The following PSMD5 variants were observed in gnomAD, a reference collection of about 807,000 sequenced individuals.
PSMD5 encodes 26S proteasome non-ATPase regulatory subunit 5.
Under a neutral mutation model 52.1 loss-of-function variants are expected in PSMD5, and 40 were observed. The ratio of observed to expected loss-of-function variants is 0.77; its 90% CI spans 0.60 to 1.00. The LOEUF (loss-of-function observed/expected upper bound fraction) is 1.00, where lower values mean the gene tolerates loss of function less well. Among genes scored for constraint, PSMD5 ranks in the 50% least tolerant of loss-of-function variants. PSMD5 has a pLI of 0.00. For synonymous variants in PSMD5, 211 were observed against 226.6 expected (o/e 0.93, Z 0.62); for missense variants, 575 against 605.2 (o/e 0.95, Z 0.52).
rs149084514 is a variant in PSMD5 at position 120,842,772 on chromosome 9, G to C, written c.138C>G (p.Leu46=). ...CGTTAAGCAGGGAGAAGAGCGGGCCGAGGCGCAGCTCCGCCGCTTGCTGGC... is the reference window on the plus strand; with the variant it reads ...CGTTAAGCAGGGAGAAGAGCGGGCCCAGGCGCAGCTCCGCCGCTTGCTGGC... ...ELRQQAAELR[L]GPLFSLLNEN... Residue 46 remains leucine (L), a synonymous_variant, in exon 1 of 10, where the codon CTC becomes CTG. Transcript: ENST00000210313. 8 of 1,613,086 alleles carry C rather than the reference G, an allele frequency of 5.0e-6. No individual in the cohort carries two copies. The African/African-American group carries it at 6.7e-5, about 13-fold the overall frequency.
chr9:120,821,591 A>G, intron 7 of PSMD5, 127 bp from the exon 8 acceptor site: 1 of 509,904 alleles, frequency 2.0e-6, no homozygotes. Flanking sequence ...TTGGGCAACC[A>G]TCATAACCAT....
chr9:120,840,249 A>C (rs1055346105), intron 1 of PSMD5, among the ~76,000 whole-genome samples: 7 of 145,050 alleles, frequency 4.8e-5, no homozygotes, highest in African/African-American at 1.8e-4. Context: ...TCAGCCCTCT[A>C]AGTAGCTGGG....
intron 1 of PSMD5, among the ~76,000 whole-genome samples, chr9:120,841,227 A>T (rs901521331): frequency 6.6e-6 from 1 of 152,214 alleles, no homozygotes; most frequent in Non-Finnish European, 1.5e-5. Flanking sequence ...AATCCTTTTT[A>T]AAAATTACAG....
chr9:120,840,592 T>C (rs993508981), intron 1 of PSMD5, among the ~76,000 whole-genome samples: 9 of 149,790 alleles, frequency 6.0e-5, no homozygotes, highest in Non-Finnish European at 1.3e-4. Context: ...ACTACAGGTG[T>C]GCGCTACCAA....
intron 8 of PSMD5, 75 bp from the exon 9 acceptor site, chr9:120,821,054 C>G (rs2045080949): frequency 7.0e-7 from 1 of 1,438,250 alleles, no homozygotes; most frequent in Non-Finnish European, 9.3e-7. Flanking sequence ...AAGTCAGACA[C>G]CTGAGTGCTG....
Position 120,831,409 on chromosome 9 carries a change from A to T in PSMD5, c.483T>A (p.Ala161=), listed in dbSNP as rs1371386180. 6.2e-7 allele frequency: 1 copy of T among 1,612,858 alleles called. No homozygotes were observed. The highest frequency in any genetic ancestry group is 8.5e-7 in the Non-Finnish European group (1 of 1,179,586). Residue 161 remains alanine, a synonymous_variant, in exon 4 of 10, where the codon GCT becomes GCA. Transcript: ENST00000210313. The stretch of plus-strand genomic sequence containing the variant: ...CATCCAGCAGATTGCTTTCAAATAA[A>T]GCCTCCAGTCCAGCTTGGGTTAGTG... The part of the protein sequence containing the change: ...RISLTQAGLE[A]LFESNLLDDL...
Position 120,833,435 on chromosome 9 carries a change from T to G in PSMD5, c.195A>C (p.Val65=), listed in dbSNP as rs2045175304. 6.2e-7 allele frequency: 1 copy of G among 1,613,900 alleles called. No homozygotes were observed. ...CTTGGAGCAATCTCTCCAGAATGGA[T>G]ACACACAAAGTAGTCTTTTCCCTGA... ...ENHREKTTLC[V]SILERLLQAM... The change falls in exon 2 of 10, where the codon GTA becomes GTC. Residue 65 remains valine (V), a synonymous_variant. Transcript: ENST00000210313.
Sources: gnomAD v4.1 joint callset for allele counts (sites outside exome capture counted in the v4.1 genomes callset) on GRCh38, gnomAD v4.1.1 for gene constraint, MANE v1.5 for transcripts, NCBI Gene and HGNC (gene_info 2026-07-23, HGNC 2026-07-21) for gene names.